Variants in MAP1B observed in about 807,000 individuals in gnomAD.
MAP1B encodes the protein microtubule-associated protein 1B.
A neutral mutation model predicts 176.1 loss-of-function variants in MAP1B; 12 were observed. The observed-to-expected ratio is 0.07, with a 90% CI of 0.04 to 0.11. The LOEUF is 0.11. Ranked by LOEUF, MAP1B falls within the 10% of genes least tolerant of loss-of-function variation. The pLI is 1.00. For synonymous variants in MAP1B, 1,044 were observed against 1,135.0 expected, an observed-to-expected ratio of 0.92 and a Z score of 1.61; for missense variants, 2,523 against 2,990.5, an observed-to-expected ratio of 0.84 and a Z score of 3.65.
At chr5:72,161,694 C>T (rs1476430552) in intron 2 of MAP1B, among the ~76,000 whole-genome samples, 1 of 152,108 alleles carries the variant, frequency 6.6e-6, no homozygotes, top group African/African-American at 2.4e-5. Flanking sequence ...CAGTGGCTCA[C>T]ACCTGTAATC....
chr5:72,161,881 C>G (rs530781052), intron 2 of MAP1B, among the ~76,000 whole-genome samples: 1 of 146,600 alleles, frequency 6.8e-6, no homozygotes, highest in South Asian at 2.1e-4. Context: ...TGCTTGAACC[C>G]GGGAGGCGGA....
In MAP1B at chr5:72,194,740, C is replaced by T. The variant is rs763265496; in HGVS notation, c.1385C>T (p.Pro462Leu). Residue 462 changes from proline to leucine, a missense_variant, in exon 5 of 7, where the codon CCG becomes CTG. Transcript: ENST00000296755. The surrounding 1 kb of genome is among the most constrained non-coding windows in gnomAD (Gnocchi z 7.2). ...CCTAATGGTCAAGAAGTAGATCTCCCGATTTCCTACTTAACTTCAGTCTCA... is the reference window on the plus strand; with the variant it reads ...CCTAATGGTCAAGAAGTAGATCTCCTGATTTCCTACTTAACTTCAGTCTCA... ...ILPNGQEVDL[P>L]ISYLTSVSSL... is the part of the protein sequence containing the mutation. 5.7e-5 allele frequency: 92 copies of T among 1,614,020 alleles called. No homozygotes were observed. The highest frequency in any genetic ancestry group is 1.6e-4 in the Middle Eastern group (1 of 6,084).
chr5:72,141,669 G>C (rs1234994257), intron 2 of MAP1B, among the ~76,000 whole-genome samples: 1 of 152,130 alleles, frequency 6.6e-6, no homozygotes, highest in Non-Finnish European at 1.5e-5. Context: ...TTAAGCCCAA[G>C]AAATATTGCA....
In MAP1B at chr5:72,204,742, C is replaced by A. The variant is rs148190272; in HGVS notation, c.7252-342C>A. On this transcript the variant is annotated intron_variant, in intron 6 of 6. Coordinates refer to ENST00000296755, the MANE Select transcript of MAP1B (RefSeq NM_005909.5). The surrounding 1 kb of genome is among the most constrained non-coding windows in gnomAD (Gnocchi z 4.4). The stretch of plus-strand genomic sequence containing the variant: ...CGATAAAATCCTTGGATTAAATATG[C>A]AATATCTTTTATGCAAAACTTACCA... Among the ~76,000 whole-genome samples the A allele has an allele frequency of 2.3e-3, 345 of 152,212 alleles. 1 individual carries two copies. The highest frequency in any genetic ancestry group is 7.9e-3 in the African/African-American group (329 of 41,514).
chr5:72,209,264 C>A lies in MAP1B; in HGVS notation c.*4025C>A, dbSNP rs1440677469. ...CACGCTTTTCCTACACTGCATGCAG[C>A]CCCTCTTTCCAGCACTGGAAAGAAG... On this transcript the variant is annotated 3_prime_UTR_variant, in exon 7 of 7. Transcript: ENST00000296755. The A allele has an allele frequency of 6.6e-6, 1 of 152,284 alleles. No homozygotes were observed. Among genetic ancestry groups the A allele is most frequent in the East Asian group, 1.9e-4 (1 of 5,176 alleles). 9.4% of individuals were successfully genotyped at this position (152,284 alleles called of 1,614,324 possible).
At chr5:72,140,441 A>C (rs1745925711) in intron 2 of MAP1B, among the ~76,000 whole-genome samples, 1 of 152,236 alleles carries the variant, frequency 6.6e-6, no homozygotes, top group African/African-American at 2.4e-5. Context: ...TGACCATTTC[A>C]TGCTACAGTA....
chr5:72,126,359 T>C (rs10474586), intron 2 of MAP1B, among the ~76,000 whole-genome samples: 61,394 of 152,080 alleles, frequency 0.4, 12,605 homozygotes, highest in East Asian at 0.45. Flanking sequence ...TGCAAAACAT[T>C]AATAGTCAGT....
intron 1 of MAP1B, among the ~76,000 whole-genome samples, chr5:72,112,411 C>CT (rs766222770): frequency 6.6e-6 from 1 of 152,186 alleles, no homozygotes; most frequent in Non-Finnish European, 1.5e-5. Flanking sequence ...GATTGGAAAA[C>CT]TTGGAACAAT....
chr5:72,179,882 T>C (rs1283070795), intron 2 of MAP1B: 1 of 985,434 alleles, frequency 1.0e-6, no homozygotes, highest in African/African-American at 1.7e-5. Context: ...CAAACTGGTC[T>C]GAAGATTGAC....
chr5:72,139,037 A>G (rs1745891422), intron 2 of MAP1B, among the ~76,000 whole-genome samples: 1 of 152,184 alleles, frequency 6.6e-6, no homozygotes, highest in Non-Finnish European at 1.5e-5. Context: ...CCTCATGGAA[A>G]TGAGATTCAA....
At position 72,196,467 on chromosome 5, in the gene MAP1B, A is replaced by G. The variant is rs781693673; in HGVS notation, c.3112A>G (p.Lys1038Glu). 6.2e-7 allele frequency: 1 copy of G among 1,613,868 alleles called. No individual in the cohort carries two copies. The highest frequency in any genetic ancestry group is 1.1e-5 in the South Asian group (1 of 91,068). ...DAREEEYEPE[K>E]MEAEDYVMAV... is the part of the protein sequence containing the mutation. ...CAGAGAGGAGGAATATGAGCCGGAA[A>G]AAATGGAAGCTGAAGACTATGTGAT... Residue 1038 changes from lysine (K) to glutamate (E), a missense_variant, in exon 5 of 7, where the codon AAA becomes GAA. Physicochemically the swap from Lys to Glu is moderately conservative, Grantham distance 56. Coordinates refer to ENST00000296755, the MANE Select transcript of MAP1B (RefSeq NM_005909.5). The surrounding 1 kb of genome is among the most constrained non-coding windows in gnomAD (Gnocchi z 5.3).
chr5:72,182,148 G>A (rs1029198306), intron 2 of MAP1B, among the ~76,000 whole-genome samples: 2 of 149,310 alleles, frequency 1.3e-5, no homozygotes, highest in African/African-American at 5.0e-5. Context: ...ATAGGCATAA[G>A]CTACTGCATC....
At chr5:72,137,234 C>A (rs1431582031) in intron 2 of MAP1B, among the ~76,000 whole-genome samples, 1 of 152,158 alleles carries the variant, frequency 6.6e-6, no homozygotes, top group East Asian at 1.9e-4. Flanking sequence ...TTGACCTCCA[C>A]ATATATGAGT....
intron 2 of MAP1B, among the ~76,000 whole-genome samples, chr5:72,123,480 TG>T (rs1408190357): frequency 6.7e-6 from 1 of 149,506 alleles, no homozygotes; most frequent in Non-Finnish European, 1.5e-5. Flanking sequence ...TTGTTTTTTT[TG>T]TTTTTTTTTT....
At chr5:72,127,075 G>A (rs1446898930) in intron 2 of MAP1B, among the ~76,000 whole-genome samples, 1 of 152,204 alleles carries the variant, frequency 6.6e-6, no homozygotes, top group Non-Finnish European at 1.5e-5. Context: ...ACTGATCTTT[G>A]GAAGGAGGCT....
At chr5:72,142,823 C>T (rs1272614588) in intron 2 of MAP1B, among the ~76,000 whole-genome samples, 2 of 151,720 alleles carry the variant, frequency 1.3e-5, no homozygotes, top group Admixed American at 6.6e-5. Context: ...TTATATAGGC[C>T]GTAGTGCGTA....
chr5:72,121,194 C>T (rs1469135798), intron 2 of MAP1B, among the ~76,000 whole-genome samples: 1 of 152,224 alleles, frequency 6.6e-6, no homozygotes, highest in African/African-American at 2.4e-5. Flanking sequence ...TGAGGGCTGG[C>T]CTGCCTCCTT....
At chr5:72,116,601 C>T (rs1001671696) in intron 2 of MAP1B, 1 of 259,190 alleles carries the variant, frequency 3.9e-6, no homozygotes, top group Non-Finnish European at 7.6e-6. Flanking sequence ...AACCTATATT[C>T]CTCCCATTTG....
intron 2 of MAP1B, among the ~76,000 whole-genome samples, chr5:72,141,814 GT>G (rs1414748596): frequency 2.0e-5 from 3 of 152,194 alleles, no homozygotes; most frequent in African/African-American, 7.2e-5. Context: ...TACAGGCTTG[GT>G]TAAAAAAGAT....
Sources: allele counts gnomAD v4.1 joint callset (sites outside exome capture counted in the v4.1 genomes callset), GRCh38; gene constraint gnomAD v4.1.1; non-coding constraint Gnocchi (gnomAD v3.1); transcripts MANE v1.5; gene names NCBI Gene and HGNC (gene_info 2026-07-23, HGNC 2026-07-21).